Variants in SYDE2 observed in about 807,000 individuals in gnomAD.
The protein encoded by SYDE2 is rho GTPase-activating protein SYDE2.
Under a neutral mutation model 91.5 loss-of-function variants are expected in SYDE2, and 76 were observed. The ratio of observed to expected loss-of-function variants is 0.83; its 90% CI spans 0.69 to 1.01. The LOEUF (loss-of-function observed/expected upper bound fraction) is 1.01, where lower values mean the gene tolerates loss of function less well. Ranked by LOEUF, SYDE2 falls within the 50% of genes least tolerant of loss-of-function variation. SYDE2 has a pLI of 0.00. For missense variants in SYDE2, 1,364 were observed against 1,367.7 expected (o/e 1.00, Z 0.04); for synonymous variants, 513 against 506.4 (o/e 1.01, Z -0.18).
At chr1:85,160,341 T>C in intron 6 of SYDE2, 1 of 894,010 alleles carries the variant, frequency 1.1e-6, no homozygotes, top group Non-Finnish European at 1.3e-6. Context: ...ACATTTTTCA[T>C]AGATCTCACA....
chr1:85,181,612 T>G (rs1264584361), intron 3 of SYDE2: 1 of 152,546 alleles, frequency 6.6e-6, no homozygotes, highest in Admixed American at 6.5e-5. Flanking sequence ...ATAGTTTCCA[T>G]GTTAAGCTTA....
intron 2 of SYDE2, among the ~76,000 whole-genome samples, chr1:85,185,906 C>T (rs560698702): frequency 1.3e-5 from 2 of 152,210 alleles, no homozygotes; most frequent in Admixed American, 6.5e-5. Flanking sequence ...CCAGTTTTTG[C>T]CCATTCAGTA....
At chr1:85,165,843 T>C (rs957070782) in intron 5 of SYDE2, among the ~76,000 whole-genome samples, 11 of 149,516 alleles carry the variant, frequency 7.4e-5, no homozygotes, top group African/African-American at 2.4e-4. Flanking sequence ...ATTGAAGACA[T>C]TGATGCCAAT....
intron 1 of SYDE2, among the ~76,000 whole-genome samples, chr1:85,192,570 G>A (rs1658412052): frequency 6.6e-6 from 1 of 152,098 alleles, no homozygotes; most frequent in African/African-American, 2.4e-5. Flanking sequence ...CAGAAGGCAA[G>A]GAAGCTCCCA....
At chr1:85,166,520 A>T (rs1657281925) in intron 5 of SYDE2, among the ~76,000 whole-genome samples, 3 of 152,088 alleles carry the variant, frequency 2.0e-5, no homozygotes, top group Admixed American at 2.0e-4. Context: ...CAGCAAGATG[A>T]GGTAGGAAGC....
At chr1:85,155,204 A>G (rs914914435), downstream of SYDE2, among the ~76,000 whole-genome samples, 14 of 152,146 alleles carry the variant, frequency 9.2e-5, no homozygotes, top group Non-Finnish European at 1.6e-4. Context: ...CTTCCTGTCA[A>G]TTCTGTCAAA....
At chr1:85,193,172 T>A (rs817454) in intron 1 of SYDE2, among the ~76,000 whole-genome samples, 8 of 152,222 alleles carry the variant, frequency 5.3e-5, no homozygotes, top group African/African-American at 1.9e-4. Flanking sequence ...AACTGAAAAT[T>A]AAAACATACT....
chr1:85,152,727 CA>C (rs1553169407), downstream of SYDE2: 3 of 152,088 alleles, frequency 2.0e-5, no homozygotes, highest in Non-Finnish European at 2.9e-5. Flanking sequence ...TTACATTCTA[CA>C]GGAGTGGACA....
chr1:85,182,954 T>C lies in SYDE2; in HGVS notation c.1688A>G (p.Lys563Arg). 6.2e-7 allele frequency: 1 copy of C among 1,613,846 alleles called. No homozygotes were observed. Among genetic ancestry groups the C allele is most frequent in the Non-Finnish European group, 8.5e-7 (1 of 1,179,788 alleles). The change falls in exon 3 of 7, where the codon AAA becomes AGA. Residue 563 changes from lysine to arginine, a missense_variant. Transcript: ENST00000341460. ...ATGATGAACTTCTCGGCAGTTATAT[T>C]TAGACAAAGAAGGAGTATTATCTGG... Reference protein sequence around the residue: ...NSPDNTPSLSKYNCREVHHTD... With the variant: ...NSPDNTPSLSRYNCREVHHTD...
chr1:85,185,806 A>G (rs1570263898), intron 2 of SYDE2, among the ~76,000 whole-genome samples: 1 of 151,822 alleles, frequency 6.6e-6, no homozygotes, highest in East Asian at 1.9e-4. Context: ...TCTCCTGCCT[A>G]ATTGCCCTGG....
intron 5 of SYDE2, among the ~76,000 whole-genome samples, 195 bp from the exon 6 acceptor site, chr1:85,164,952 C>T (rs1409565929): frequency 1.3e-5 from 2 of 151,966 alleles, no homozygotes; most frequent in East Asian, 3.9e-4. Context: ...AATTATGTTC[C>T]AGCCGGGCAC....
At chr1:85,195,052 C>T (rs1170303946) in intron 1 of SYDE2, among the ~76,000 whole-genome samples, 3 of 151,716 alleles carry the variant, frequency 2.0e-5, no homozygotes, top group African/African-American at 4.8e-5. Context: ...CCCAGCTACT[C>T]GGGAGGCTGA....
chr1:85,198,443 C>G (rs1004268078), intron 1 of SYDE2, among the ~76,000 whole-genome samples: 5 of 152,048 alleles, frequency 3.3e-5, no homozygotes, highest in Non-Finnish European at 7.4e-5. Context: ...ATTTTCATCT[C>G]TCCTGAAAAA....
chr1:85,197,113 T>C (rs972400441), intron 1 of SYDE2, among the ~76,000 whole-genome samples: 5 of 152,200 alleles, frequency 3.3e-5, no homozygotes, highest in African/African-American at 1.2e-4. Context: ...CACATTAAGA[T>C]TCCTTTGTAA....
chr1:85,190,787 T>TAGAATACCAGAATAGAA lies in SYDE2; in HGVS notation c.746-36_746-35insTTCTATTCTGGTATTCT, dbSNP rs1658337293. 6.6e-6 allele frequency: 10 copies of TAGAATACCAGAATAGAA among 1,510,656 alleles called. No homozygotes were observed. In the East Asian group the frequency reaches 2.0e-4, roughly 31 times the overall value. The allele number at this position is 1,510,656 out of a possible 1,614,324, so 93.6% of individuals were successfully genotyped here. A position where few individuals can be genotyped will look rare whatever the true frequency, so the allele number is the denominator to read the frequency against. ...AGATAGAATAGAAGGTAGAATATAA[T>TAGAATACCAGAATAGAA]GGCTGGTATATCAGAAAGACATGTC... On this transcript the variant is annotated intron_variant, in intron 1 of 6. Transcript: ENST00000341460.
In SYDE2 at chr1:85,200,435, C is replaced by G; in HGVS notation, c.562G>C (p.Val188Leu). 6.2e-7 allele frequency: 1 copy of G among 1,614,040 alleles called. No individual in the cohort carries two copies. ...TACATCCACTTCTGCAGCTTCTTGA[C>G]TGTCACTGCCGGCGGCCTGAGGAAG... ...PSFLRPPAVTVKKLQKWMYKG... is the reference protein window; with the variant it reads ...PSFLRPPAVTLKKLQKWMYKG... The change falls in exon 1 of 7, where the codon GTC becomes CTC. Residue 188 changes from valine (V) to leucine (L), a missense_variant. Coordinates refer to ENST00000341460, the MANE Select transcript of SYDE2 (RefSeq NM_032184.2).
intron 6 of SYDE2, chr1:85,160,879 C>T (rs184742812): frequency 1.0e-6 from 1 of 985,348 alleles, no homozygotes; most frequent in East Asian, 1.1e-4. Context: ...CTTAGAGTTA[C>T]TCACCTAAGA....
At chr1:85,172,734 G>T (rs534827176) in intron 4 of SYDE2, among the ~76,000 whole-genome samples, 1 of 152,156 alleles carries the variant, frequency 6.6e-6, no homozygotes, top group Non-Finnish European at 1.5e-5. Context: ...GGTAAAGCCC[G>T]ACAGTTGAAG....
At chr1:85,162,634 C>T (rs817415) in intron 6 of SYDE2, among the ~76,000 whole-genome samples, 11,733 of 152,120 alleles carry the variant, frequency 0.077, 514 homozygotes, top group Middle Eastern at 0.13. Context: ...CTTTAGAATA[C>T]GGTGAATTTG....
Sources: allele counts gnomAD v4.1 joint callset (sites outside exome capture counted in the v4.1 genomes callset), GRCh38; gene constraint gnomAD v4.1.1; transcripts MANE v1.5; gene names NCBI Gene and HGNC (gene_info 2026-07-23, HGNC 2026-07-21).